WWC2: variants seen among roughly 807,000 people sequenced by gnomAD.
WWC2 encodes the protein protein WWC2.
In WWC2, 101 loss-of-function variants were observed where a neutral mutation model predicts 138.5. The ratio of observed to expected loss-of-function variants is 0.73; its 90% CI spans 0.62 to 0.86. The LOEUF (loss-of-function observed/expected upper bound fraction) is 0.86, where lower values mean the gene tolerates loss of function less well. Ranked by LOEUF, WWC2 falls within the 40% of genes least tolerant of loss-of-function variation. The pLI is 0.00. For synonymous variants in WWC2, 558 were observed against 538.4 expected (o/e 1.04, Z -0.50); for missense variants, 1,420 against 1,419.4 (o/e 1.00, Z -0.01).
chr4:183,108,374 G>T (rs1732112658), intron 1 of WWC2, among the ~76,000 whole-genome samples: 2 of 151,896 alleles, frequency 1.3e-5, no homozygotes, highest in Admixed American at 1.3e-4. Context: ...CTAATCTTGA[G>T]AAAAACACCT....
intron 1 of WWC2, among the ~76,000 whole-genome samples, chr4:183,109,812 G>A (rs1732171049): frequency 6.6e-6 from 1 of 152,160 alleles, no homozygotes; most frequent in South Asian, 2.1e-4. Context: ...AGTCAGACAT[G>A]GGTGCTGAAT....
intron 16 of WWC2, among the ~76,000 whole-genome samples, chr4:183,278,585 C>T (rs1228189487): frequency 5.9e-5 from 9 of 151,654 alleles, no homozygotes; most frequent in African/African-American, 1.5e-4. Flanking sequence ...GCCATTTTCA[C>T]GATATTGATT....
intron 1 of WWC2, among the ~76,000 whole-genome samples, chr4:183,187,531 C>T (rs1403514539): frequency 5.1e-5 from 7 of 137,402 alleles, no homozygotes; most frequent in Admixed American, 7.5e-5. Flanking sequence ...CTAGCCTGGG[C>T]GACAGAACGA....
At chr4:183,308,416 A>C (rs77128136) in intron 21 of WWC2, among the ~76,000 whole-genome samples, 2,766 of 152,310 alleles carry the variant, frequency 0.018, 93 homozygotes, top group African/African-American at 0.063. Flanking sequence ...TAGCCAACAC[A>C]GTATTGAAGA....
chr4:183,228,581 C>T (rs938995538), intron 4 of WWC2, among the ~76,000 whole-genome samples: 3 of 152,110 alleles, frequency 2.0e-5, no homozygotes, highest in African/African-American at 7.3e-5. Flanking sequence ...AGACCACATT[C>T]TCTGTAGTGA....
chr4:183,158,956 G>T (rs1444344018), intron 1 of WWC2, among the ~76,000 whole-genome samples: 2 of 152,202 alleles, frequency 1.3e-5, no homozygotes, highest in African/African-American at 4.8e-5. Context: ...TGGTGAGCCA[G>T]GGTGGCTGGC....
At chr4:183,120,452 C>G (rs1299321937) in intron 1 of WWC2, among the ~76,000 whole-genome samples, 1 of 152,130 alleles carries the variant, frequency 6.6e-6, no homozygotes, top group African/African-American at 2.4e-5. Context: ...TTATTAGTGG[C>G]TGCTTCTGGG....
intron 2 of WWC2, among the ~76,000 whole-genome samples, chr4:183,202,295 A>G (rs1008510340): frequency 2.0e-5 from 3 of 152,088 alleles, no homozygotes; most frequent in South Asian, 2.1e-4. Context: ...CATATGAAGG[A>G]TGGGCTCATG....
chr4:183,255,045 C>T (rs781153554), intron 9 of WWC2, among the ~76,000 whole-genome samples: 7 of 152,142 alleles, frequency 4.6e-5, no homozygotes, highest in Admixed American at 1.3e-4. Context: ...CAACGTTAAC[C>T]GTTTTAGGAG....
chr4:183,184,374 C>T (rs1734733176), intron 1 of WWC2, among the ~76,000 whole-genome samples: 2 of 152,058 alleles, frequency 1.3e-5, no homozygotes, highest in Admixed American at 1.3e-4. Flanking sequence ...TTTATCCATT[C>T]ACCTGTCTAT....
At chr4:183,188,802 G>A (rs1734897372) in intron 1 of WWC2, among the ~76,000 whole-genome samples, 3 of 151,692 alleles carry the variant, frequency 2.0e-5, no homozygotes, top group Non-Finnish European at 4.4e-5. Flanking sequence ...GTGCCACCAC[G>A]CCTGGCTAAT....
chr4:183,229,929 A>G (rs1195639878), intron 4 of WWC2, among the ~76,000 whole-genome samples: 3 of 152,044 alleles, frequency 2.0e-5, no homozygotes, highest in South Asian at 2.1e-4. Context: ...GGCTCAAGCA[A>G]TCCTCCCACC....
Position 183,259,637 on chromosome 4 carries a change from A to C in WWC2, c.1197-2A>C, listed in dbSNP as rs1560871721. The C allele has an allele frequency of 2.0e-6, 3 of 1,518,882 alleles. No individual in the cohort carries two copies. The highest frequency in any genetic ancestry group is 2.6e-6 in the Non-Finnish European group (3 of 1,133,820). The allele number at this position is 1,518,882 out of a possible 1,614,324, so 94.1% of individuals were successfully genotyped here. On this transcript the variant is annotated splice_acceptor_variant, in intron 9 of 22. Transcript: ENST00000403733. LOFTEE classifies it high-confidence loss of function. Reference sequence around the variant, plus strand: ...TTTGAAAATAATTTTTTTTCTTCCTAGATTGAGATTGGAAGAGAGAAGAAA... The same window carrying C: ...TTTGAAAATAATTTTTTTTCTTCCTCGATTGAGATTGGAAGAGAGAAGAAA...
At chr4:183,267,980 C>G (rs748689137) in intron 14 of WWC2, among the ~76,000 whole-genome samples, 1 of 152,112 alleles carries the variant, frequency 6.6e-6, no homozygotes, top group Non-Finnish European at 1.5e-5. Flanking sequence ...TCTGCTGAAT[C>G]TTCGGCCTCC....
intron 1 of WWC2, among the ~76,000 whole-genome samples, chr4:183,178,421 T>TAAA (rs1734525898): frequency 7.5e-5 from 11 of 146,928 alleles, no homozygotes; most frequent in Non-Finnish European, 1.2e-4. Flanking sequence ...AATAAATAAA[T>TAAA]TTAAAAAATT....
chr4:183,198,789 TAAAAAAAAAAAA>T (rs56182831), intron 2 of WWC2, among the ~76,000 whole-genome samples: 2 of 72,344 alleles, frequency 2.8e-5, no homozygotes, highest in East Asian at 9.9e-4. Context: ...CTCGTCTCTT[TAAAAAAAAAAAA>T]AAAAAAAAAA....
At chr4:183,250,028 A>G in intron 8 of WWC2, 35 bp downstream of exon 8, 1 of 1,581,588 alleles carries the variant, frequency 6.3e-7, no homozygotes, top group Non-Finnish European at 8.7e-7. Context: ...GCATGGCTCA[A>G]ACATTTTCTT....
At chr4:183,186,744 C>T (rs541854179) in intron 1 of WWC2, among the ~76,000 whole-genome samples, 2 of 151,720 alleles carry the variant, frequency 1.3e-5, no homozygotes, top group African/African-American at 4.8e-5. Context: ...AGGGAGCAGA[C>T]CTGGGAGACA....
chr4:183,133,068 C>A (rs1732985268), intron 1 of WWC2, among the ~76,000 whole-genome samples: 1 of 143,610 alleles, frequency 7.0e-6, no homozygotes, highest in Admixed American at 7.0e-5. Context: ...TTTTCTTTTT[C>A]CTTCCCTCTT....
Sources: gnomAD v4.1 joint callset for allele counts (sites outside exome capture counted in the v4.1 genomes callset) on GRCh38, gnomAD v4.1.1 for gene constraint, MANE v1.5 for transcripts, NCBI Gene and HGNC (gene_info 2026-07-23, HGNC 2026-07-21) for gene names.